CTNNA2: variants seen among roughly 807,000 people sequenced by gnomAD.
CTNNA2 encodes the protein catenin alpha-2.
CTNNA2 carries 42 observed loss-of-function variants against 101.0 expected under a neutral mutation model. The observed-to-expected ratio is 0.42, with a 90% confidence interval of 0.32 to 0.54. The LOEUF is 0.54. CTNNA2 is among the 20% of genes least tolerant of loss of function. The probability of loss-of-function intolerance (pLI) is 0.14; values close to 1 mark genes in which losing one functional copy is unlikely to be tolerated. For synonymous variants in CTNNA2, 450 were observed against 456.4 expected (o/e 0.99, Z 0.18); for missense variants, 871 against 1,223.1 (o/e 0.71, Z 4.29).
chr2:80,118,737 T>G (rs1171765450), intron 7 of CTNNA2, among the ~76,000 whole-genome samples: 1 of 152,230 alleles, frequency 6.6e-6, no homozygotes, highest in Non-Finnish European at 1.5e-5. Flanking sequence ...GCTGGTTACT[T>G]TTTGGCTACT....
At chr2:79,998,186 T>C (rs1031025946) in intron 7 of CTNNA2, among the ~76,000 whole-genome samples, 2 of 152,222 alleles carry the variant, frequency 1.3e-5, no homozygotes, top group Non-Finnish European at 2.9e-5. Flanking sequence ...GGAGGCCATT[T>C]ACTAGCCAAG....
rs1251837940 is a variant in CTNNA2 at position 80,043,001 on chromosome 2, T to C, written c.1056+133204T>C. On this transcript the variant is annotated intron_variant, in intron 7 of 18. Coordinates refer to ENST00000402739, the MANE Select transcript of CTNNA2 (RefSeq NM_001282597.3). Reference sequence around the variant, plus strand: ...CCTTCCCTTCCTTTCCTTTCCTTCCTTTCCTTCCTTTCTTTCCCTTTCTTT... The same window carrying C: ...CCTTCCCTTCCTTTCCTTTCCTTCCCTTCCTTCCTTTCTTTCCCTTTCTTT... 7.9e-5 allele frequency among the ~76,000 whole-genome samples: 12 copies of C among 151,220 alleles called. No individual in the cohort carries two copies. The South Asian group carries it at 8.4e-4, about 11-fold the overall frequency.
intron 4 of CTNNA2, among the ~76,000 whole-genome samples, chr2:79,494,868 T>C (rs930173810): frequency 6.6e-6 from 1 of 152,072 alleles, no homozygotes; most frequent in African/African-American, 2.4e-5. Context: ...TCCAGCACTT[T>C]GGGAGGCCAA....
At chr2:80,645,263 T>TC (rs1673945376) in intron 18 of CTNNA2, among the ~76,000 whole-genome samples, 1 of 152,160 alleles carries the variant, frequency 6.6e-6, no homozygotes, top group African/African-American at 2.4e-5. Context: ...AGGTGTTAGG[T>TC]ATTTAGCTTC....
At chr2:80,146,307 T>G (rs1483897909) in intron 7 of CTNNA2, among the ~76,000 whole-genome samples, 1 of 152,172 alleles carries the variant, frequency 6.6e-6, no homozygotes, top group African/African-American at 2.4e-5. Flanking sequence ...ATACATGATG[T>G]TTTTTGTTTT....
At chr2:79,909,142 T>C (rs1685618313) in intron 6 of CTNNA2, among the ~76,000 whole-genome samples, 1 of 148,178 alleles carries the variant, frequency 6.7e-6, no homozygotes, top group Non-Finnish European at 1.5e-5. Flanking sequence ...GCCATGGGAA[T>C]ATCTGCTTCT....
At chr2:79,212,847 G>A (rs1205328802) in intron 2 of CTNNA2, among the ~76,000 whole-genome samples, 1 of 152,198 alleles carries the variant, frequency 6.6e-6, no homozygotes, top group Non-Finnish European at 1.5e-5. Flanking sequence ...TGAGCTTGAT[G>A]TGTGGGAAAG....
At position 80,382,554 on chromosome 2, in the gene CTNNA2, C is replaced by T. The variant is rs1416945890; in HGVS notation, c.1057-10657C>T. On this transcript the variant is annotated intron_variant, in intron 7 of 18. Coordinates refer to ENST00000402739, the MANE Select transcript of CTNNA2 (RefSeq NM_001282597.3). ...AATGGTAGAGATGGCTATAGGCACA[C>T]AGAAGAGGCTGGGTTTCTGTGAACT... Among the ~76,000 whole-genome samples the T allele has an allele frequency of 2.0e-5, 3 of 152,182 alleles. No homozygotes were observed. The East Asian group carries it at 5.8e-4, about 29-fold the overall frequency.
At chr2:79,510,543 A>T (rs372387753), upstream of CTNNA2, among the ~76,000 whole-genome samples, 2 of 152,328 alleles carry the variant, frequency 1.3e-5, no homozygotes, top group South Asian at 4.1e-4. Flanking sequence ...CTTTATTCAA[A>T]ACATAAAAGA....
chr2:79,452,701 G>T (rs1207611392), intron 4 of CTNNA2, among the ~76,000 whole-genome samples: 1 of 151,928 alleles, frequency 6.6e-6, no homozygotes, highest in Non-Finnish European at 1.5e-5. Context: ...TAATGGTCTT[G>T]CTAAATAATA....
chr2:80,466,563 A>T (rs902068853), intron 9 of CTNNA2, among the ~76,000 whole-genome samples: 1 of 152,204 alleles, frequency 6.6e-6, no homozygotes, highest in Non-Finnish European at 1.5e-5. Flanking sequence ...TTGCAAAAAA[A>T]AGAAACCTTT....
At chr2:80,155,655 C>G (rs999280822) in intron 7 of CTNNA2, among the ~76,000 whole-genome samples, 1 of 152,132 alleles carries the variant, frequency 6.6e-6, no homozygotes, top group African/African-American at 2.4e-5. Context: ...GATTGGCAAG[C>G]CTTGAGCTGC....
intron 7 of CTNNA2, among the ~76,000 whole-genome samples, chr2:80,096,371 G>A (rs1700153934): frequency 6.6e-6 from 1 of 152,138 alleles, no homozygotes; most frequent in Non-Finnish European, 1.5e-5. Flanking sequence ...CTGAGAGAGA[G>A]TTTTTTATAA....
intron 7 of CTNNA2, among the ~76,000 whole-genome samples, chr2:80,212,457 C>A (rs928610576): frequency 1.8e-4 from 28 of 152,154 alleles, no homozygotes; most frequent in African/African-American, 6.8e-4. Flanking sequence ...AAGGCCTTTT[C>A]TGCATCTATT....
chr2:80,146,909 C>T (rs1412607725), intron 7 of CTNNA2, among the ~76,000 whole-genome samples: 2 of 148,382 alleles, frequency 1.3e-5, no homozygotes, highest in East Asian at 2.0e-4. Flanking sequence ...TCCACCACCA[C>T]GCCCTGCTAA....
chr2:80,160,551 G>T (rs1212114844), intron 7 of CTNNA2, among the ~76,000 whole-genome samples: 1 of 152,086 alleles, frequency 6.6e-6, no homozygotes, highest in African/African-American at 2.4e-5. Flanking sequence ...TTGAGTGATT[G>T]TAAATGATGT....
intron 7 of CTNNA2, among the ~76,000 whole-genome samples, chr2:79,969,930 TGGA>T (rs1690360628): frequency 6.6e-6 from 1 of 152,164 alleles, no homozygotes; most frequent in African/African-American, 2.4e-5. Context: ...AAGACAGCTT[TGGA>T]GGAGGTGGAG....
intron 9 of CTNNA2, among the ~76,000 whole-genome samples, chr2:80,521,988 T>C (rs567937456): frequency 2.0e-5 from 3 of 152,182 alleles, no homozygotes; most frequent in Non-Finnish European, 4.4e-5. Context: ...ATGAAGTCAC[T>C]TTAAGAATAT....
At chr2:79,841,993 T>G (rs948245900) in intron 3 of CTNNA2, among the ~76,000 whole-genome samples, 6 of 152,204 alleles carry the variant, frequency 3.9e-5, no homozygotes, top group African/African-American at 1.4e-4. Context: ...GTCTTTTTCT[T>G]TTGCATCTCC....
Sources: gnomAD v4.1 joint callset for allele counts (sites outside exome capture counted in the v4.1 genomes callset) on GRCh38, gnomAD v4.1.1 for gene constraint, MANE v1.5 for transcripts, NCBI Gene and HGNC (gene_info 2026-07-23, HGNC 2026-07-21) for gene names.